Variants in PLCB4 observed in about 807,000 individuals in gnomAD.
The protein encoded by PLCB4 is phospholipase C beta 4.
PLCB4 carries 77 observed loss-of-function variants against 178.8 expected under a neutral mutation model. The ratio of observed to expected loss-of-function variants is 0.43; its 90% CI spans 0.36 to 0.52. The LOEUF (loss-of-function observed/expected upper bound fraction) is 0.52, where lower values mean the gene tolerates loss of function less well. Ranked by LOEUF, PLCB4 falls within the 20% of genes least tolerant of loss-of-function variation. PLCB4 has a pLI of 0.00. For missense variants in PLCB4, 1,024 were observed against 1,453.4 expected (o/e 0.70, Z 4.80); for synonymous variants, 496 against 490.8 (o/e 1.01, Z -0.14).
intron 3 of PLCB4, among the ~76,000 whole-genome samples, chr20:9,304,145 G>A (rs1414693009): frequency 6.7e-6 from 1 of 150,046 alleles, no homozygotes; most frequent in African/African-American, 2.5e-5. Flanking sequence ...ACATATCTAG[G>A]TTTTGGTTTG....
At chr20:9,410,971 A>C in intron 24 of PLCB4, 66 bp from the exon 25 acceptor site, 1 of 1,147,196 alleles carries the variant, frequency 8.7e-7, no homozygotes, top group South Asian at 1.2e-5. Context: ...ATTGTTTCAA[A>C]TCACCCCGTC....
chr20:9,150,354 A>G (rs967119263), intron 2 of PLCB4, among the ~76,000 whole-genome samples: 1 of 152,144 alleles, frequency 6.6e-6, no homozygotes, highest in Non-Finnish European at 1.5e-5. Context: ...AGTCCTAAAG[A>G]GTTGAGGAAA....
At chr20:9,101,760 C>T (rs2091161774) in intron 2 of PLCB4, among the ~76,000 whole-genome samples, 1 of 151,978 alleles carries the variant, frequency 6.6e-6, no homozygotes, top group African/African-American at 2.4e-5. Flanking sequence ...CTACATATTG[C>T]CTAGTGTTGC....
At chr20:9,316,010 A>G (rs1237364800) in intron 4 of PLCB4, among the ~76,000 whole-genome samples, 3 of 152,154 alleles carry the variant, frequency 2.0e-5, no homozygotes, top group African/African-American at 7.2e-5. Flanking sequence ...ACATGGAAAC[A>G]GCAAATGCTA....
intron 2 of PLCB4, among the ~76,000 whole-genome samples, chr20:9,098,741 A>G (rs868210092): frequency 0.026 from 3,497 of 135,476 alleles, 140 homozygotes; most frequent in African/African-American, 0.086. Flanking sequence ...ATATACATAT[A>G]TGTGTGTGTG....
At chr20:9,335,847 A>G (rs1352802169) in intron 4 of PLCB4, among the ~76,000 whole-genome samples, 1 of 152,156 alleles carries the variant, frequency 6.6e-6, no homozygotes, top group Non-Finnish European at 1.5e-5. Context: ...CCTGATACAG[A>G]GTTGGAATAC....
At chr20:9,400,401 A>G (rs1453052799) in intron 19 of PLCB4, among the ~76,000 whole-genome samples, 1 of 152,218 alleles carries the variant, frequency 6.6e-6, no homozygotes, top group East Asian at 1.9e-4. Flanking sequence ...AAAAAAGTAC[A>G]TCTTAGAATC....
At chr20:9,241,416 A>ACT (rs1377164499) in intron 3 of PLCB4, among the ~76,000 whole-genome samples, 3 of 140,196 alleles carry the variant, frequency 2.1e-5, no homozygotes, top group African/African-American at 8.3e-5. Flanking sequence ...ACACACACAC[A>ACT]CACTCACTCA....
chr20:9,463,452 A>G (rs564203581), intron 35 of PLCB4, among the ~76,000 whole-genome samples: 27 of 152,240 alleles, frequency 1.8e-4, no homozygotes, highest in Admixed American at 1.2e-3. Context: ...AAATGCCCCA[A>G]TTAAAAGACA....
At chr20:9,309,408 A>C (rs1167027427) in intron 4 of PLCB4, among the ~76,000 whole-genome samples, 2 of 152,202 alleles carry the variant, frequency 1.3e-5, no homozygotes, top group Admixed American at 1.3e-4. Flanking sequence ...CATTGAATGA[A>C]TAAGAGGCGA....
Position 9,389,945 on chromosome 20 carries a change from G to GA in PLCB4, c.1229dup (p.Asn410LysfsTer29). The GA allele has an allele frequency of 6.5e-7, 1 of 1,550,272 alleles. No individual in the cohort carries two copies. Among genetic ancestry groups the GA allele is most frequent in the Non-Finnish European group, 8.9e-7 (1 of 1,124,446 alleles). On this transcript the variant is annotated frameshift_variant, in exon 16 of 40. Coordinates refer to ENST00000378473, the MANE Select transcript of PLCB4 (RefSeq NM_001377142.1). LOFTEE classifies it high-confidence loss of function. ...AGAATATCCTGTAATTCTCTCCTTT[G>GA]AAAATCACTGCAGGTATAATGATCC... is the stretch of plus-strand genomic sequence containing the variant.
At chr20:9,324,242 A>G (rs1028307736) in intron 4 of PLCB4, among the ~76,000 whole-genome samples, 5 of 151,822 alleles carry the variant, frequency 3.3e-5, no homozygotes, top group African/African-American at 1.2e-4. Flanking sequence ...CCTGGCCAAC[A>G]TGGTGAAACC....
chr20:9,111,604 G>C (rs1684762971), intron 2 of PLCB4, among the ~76,000 whole-genome samples: 1 of 152,030 alleles, frequency 6.6e-6, no homozygotes, highest in Non-Finnish European at 1.5e-5. Context: ...TTTAATTTTG[G>C]ACAACTGCTG....
At chr20:9,282,956 A>G (rs1006528084) in intron 3 of PLCB4, among the ~76,000 whole-genome samples, 18 of 152,132 alleles carry the variant, frequency 1.2e-4, no homozygotes, top group Admixed American at 3.9e-4. Flanking sequence ...AGTACTTTTC[A>G]TGCCTCTGAT....
At chr20:9,353,804 C>T (rs764686705) in intron 7 of PLCB4, among the ~76,000 whole-genome samples, 2 of 152,202 alleles carry the variant, frequency 1.3e-5, no homozygotes, top group Non-Finnish European at 2.9e-5. Flanking sequence ...CTGGACTGGA[C>T]AGTTGGTGGC....
chr20:9,223,505 T>C (rs751636694), intron 3 of PLCB4, among the ~76,000 whole-genome samples: 2 of 152,166 alleles, frequency 1.3e-5, no homozygotes, highest in Non-Finnish European at 2.9e-5. Context: ...TGCAGTCAGG[T>C]GGCAGCTGAC....
chr20:9,440,507 G>A (rs1405507750), intron 30 of PLCB4, among the ~76,000 whole-genome samples: 2 of 152,148 alleles, frequency 1.3e-5, no homozygotes, highest in Non-Finnish European at 2.9e-5. Context: ...TCATCACAAA[G>A]TTGAACCACT....
chr20:9,141,141 T>C (rs2092481983), intron 2 of PLCB4, among the ~76,000 whole-genome samples: 2 of 152,168 alleles, frequency 1.3e-5, no homozygotes. Context: ...CTTTTCTTTA[T>C]GCTTCTACCA....
chr20:9,307,192 C>T (rs889618223), intron 3 of PLCB4, among the ~76,000 whole-genome samples: 2 of 152,086 alleles, frequency 1.3e-5, no homozygotes. Context: ...CAGGGACCCC[C>T]TATGAGCTGG....
Sources: gnomAD v4.1 joint callset for allele counts (sites outside exome capture counted in the v4.1 genomes callset) on GRCh38, gnomAD v4.1.1 for gene constraint, MANE v1.5 for transcripts, NCBI Gene and HGNC (gene_info 2026-07-23, HGNC 2026-07-21) for gene names.